BTN3A1: variants seen among roughly 807,000 people sequenced by gnomAD.
BTN3A1 encodes the protein dJ45P21.3 (butyrophilin, subfamily 3, member A1).
A neutral mutation model predicts 43.0 loss-of-function variants in BTN3A1; 24 were observed. The ratio of observed to expected loss-of-function variants is 0.56; its 90% CI spans 0.40 to 0.78. The LOEUF (loss-of-function observed/expected upper bound fraction) is 0.78, where lower values mean the gene tolerates loss of function less well. Among genes scored for constraint, BTN3A1 ranks in the 30% least tolerant of loss-of-function variants. The pLI is 0.00. For missense variants in BTN3A1, 533 were observed against 626.2 expected, an observed-to-expected ratio of 0.85 and a Z score of 1.59; for synonymous variants, 181 against 234.7, an observed-to-expected ratio of 0.77 and a Z score of 2.09.
intron 9 of BTN3A1, chr6:26,412,348 A>G: frequency 1.4e-6 from 1 of 696,656 alleles, no homozygotes. Context: ...TGCTGCTGGC[A>G]GGGAGGAAGC....
chr6:26,413,024 G>C (rs980310057), intron 9 of BTN3A1, 145 bp from the exon 10 acceptor site: 1 of 1,487,118 alleles, frequency 6.7e-7, no homozygotes, highest in Non-Finnish European at 8.9e-7. Flanking sequence ...TCCTGACATC[G>C]ATGAGAGAGT....
intron 8 of BTN3A1, 94 bp from the exon 9 acceptor site, chr6:26,411,461 G>A (rs1326342476): frequency 6.9e-7 from 1 of 1,456,364 alleles, no homozygotes; most frequent in East Asian, 2.3e-5. Context: ...AGACTCTGAA[G>A]AAAAGGAGAG....
intron 9 of BTN3A1, 148 bp downstream of exon 9, chr6:26,411,729 GAAA>G: frequency 9.8e-7 from 1 of 1,020,214 alleles, no homozygotes; most frequent in Non-Finnish European, 1.4e-6. Context: ...ATTCCAATCT[GAAA>G]AGTGGGCCCA....
chr6:26,411,152 C>T lies in BTN3A1; in HGVS notation c.991+17C>T. The T allele has an allele frequency of 6.2e-7, 1 of 1,607,040 alleles. No homozygotes were observed. The highest frequency in any genetic ancestry group is 8.5e-7 in the Non-Finnish European group (1 of 1,177,364). On this transcript the variant is annotated intron_variant, in intron 8 of 9. Coordinates refer to ENST00000289361, the MANE Select transcript of BTN3A1 (RefSeq NM_007048.6). ...CCTATAATGGTGAGTGAACCTGATGCTCTCTGAGTTTGCTGGGACACGTGC... is the reference window on the plus strand; with the variant it reads ...CCTATAATGGTGAGTGAACCTGATGTTCTCTGAGTTTGCTGGGACACGTGC...
intron 7 of BTN3A1, 110 bp from the exon 8 acceptor site, chr6:26,410,999 G>GAAAAAAAAAA (rs1561847979): frequency 3.5e-6 from 2 of 566,884 alleles, no homozygotes; most frequent in South Asian, 2.6e-5. Flanking sequence ...GATACAGGTG[G>GAAAAAAAAAA]TAAAAAAAAA....
At chr6:26,409,237 A>G (rs1471918782) in intron 4 of BTN3A1, among the ~76,000 whole-genome samples, 3 of 152,216 alleles carry the variant, frequency 2.0e-5, no homozygotes, top group South Asian at 2.1e-4. Flanking sequence ...AACCATGTAC[A>G]TGTGTTACCT....
Position 26,413,722 on chromosome 6 carries a change from C to A in BTN3A1, c.*30C>A. The A allele has an allele frequency of 6.2e-7, 1 of 1,609,712 alleles. No homozygotes were observed. The highest frequency in any genetic ancestry group is 8.5e-7 in the Non-Finnish European group (1 of 1,179,638). On this transcript the variant is annotated 3_prime_UTR_variant, in exon 10 of 10. Transcript: ENST00000289361. ...AAGAAGAGAGTTCCTCCAATTCTGA[C>A]CGAGTGCTGATCATTCCCTAGAGAC...
At chr6:26,408,472 C>A (rs1367585213) in intron 4 of BTN3A1, among the ~76,000 whole-genome samples, 1 of 152,180 alleles carries the variant, frequency 6.6e-6, no homozygotes, top group Admixed American at 6.5e-5. Flanking sequence ...GTTGATAACA[C>A]ATGGTTATGG....
Position 26,411,552 on chromosome 6 carries a change from C to T in BTN3A1, c.992-3C>T, listed in dbSNP as rs778410079. The stretch of plus-strand genomic sequence containing the variant: ...TTCCTTATCTGTGTCTCCTTCCTTT[C>T]AGAATGGAAAAAGGCCCTCTTCAAG... On this transcript the variant is annotated splice_region_variant and splice_polypyrimidine_tract_variant and intron_variant, in intron 8 of 9. Transcript: ENST00000289361. The T allele has an allele frequency of 9.9e-6, 16 of 1,613,418 alleles. No individual in the cohort carries two copies. The highest frequency in any genetic ancestry group is 1.6e-4 in the Middle Eastern group (1 of 6,076).
intron 7 of BTN3A1, 57 bp from the exon 8 acceptor site, chr6:26,411,052 G>C (rs1291370914): frequency 2.8e-6 from 4 of 1,448,884 alleles, no homozygotes; most frequent in Admixed American, 2.0e-5. Flanking sequence ...TTAAGGGAAT[G>C]GGGCCAAATC....
At chr6:26,408,829 T>A (rs1362429699) in intron 4 of BTN3A1, among the ~76,000 whole-genome samples, 2 of 152,202 alleles carry the variant, frequency 1.3e-5, no homozygotes, top group Non-Finnish European at 2.9e-5. Context: ...CCTCCAAGAT[T>A]AACTTTGCAC....
At chr6:26,408,494 G>C (rs1170511507) in intron 4 of BTN3A1, among the ~76,000 whole-genome samples, 1 of 152,196 alleles carries the variant, frequency 6.6e-6, no homozygotes, top group Non-Finnish European at 1.5e-5. Context: ...AGGAATGTAG[G>C]AAGGCTGTGA....
In BTN3A1 at chr6:26,412,452, A is replaced by G; in HGVS notation, c.1019-717A>G. On this transcript the variant is annotated intron_variant, in intron 9 of 9. Transcript: ENST00000289361. ...AAACCCAACAGCAAACCAGAGGACA[A>G]GGGAGCCCAGTGGCACTGTCTCAGG... is the stretch of plus-strand genomic sequence containing the variant. 5 of 1,450,604 alleles carry G rather than the reference A, an allele frequency of 3.4e-6. No homozygotes were observed. In the South Asian group the frequency reaches 6.1e-5, roughly 18 times the overall value. 89.9% of individuals were successfully genotyped at this position (1,450,604 alleles called of 1,614,324 possible).
chr6:26,409,546 G>A lies in BTN3A1; in HGVS notation c.729G>A (p.Arg243=). 2 of 1,613,708 alleles carry A rather than the reference G, an allele frequency of 1.2e-6. No individual in the cohort carries two copies. Among genetic ancestry groups the A allele is most frequent in the Non-Finnish European group, 8.5e-7 (1 of 1,179,982 alleles). Residue 243 remains arginine, a synonymous_variant, in exon 5 of 10, where the codon AGG becomes AGA. Coordinates refer to ENST00000289361, the MANE Select transcript of BTN3A1 (RefSeq NM_007048.6). The part of the protein sequence containing the change: ...ASISIADPFF[R]SAQRWIAALA... The stretch of plus-strand genomic sequence containing the variant: ...TTGCCTTCACAGACCCCTTCTTCAG[G>A]AGCGCCCAGAGGTGGATCGCCGCCC...
rs1762219653 is a variant in BTN3A1, at chr6:26,411,554, G to A, written c.992-1G>A. ...CCTTATCTGTGTCTCCTTCCTTTCA[G>A]AATGGAAAAAGGCCCTCTTCAAGCC... On this transcript the variant is annotated splice_acceptor_variant, in intron 8 of 9. Transcript: ENST00000289361. LOFTEE classifies it high-confidence loss of function. The A allele has an allele frequency of 6.2e-7, 1 of 1,613,554 alleles. No homozygotes were observed. Among genetic ancestry groups the A allele is most frequent in the Non-Finnish European group, 8.5e-7 (1 of 1,179,690 alleles).
chr6:26,411,000 T>TAAAAAAAAAAAAAAAAAAAAAA (rs1170183887), intron 7 of BTN3A1, 109 bp from the exon 8 acceptor site: 5 of 359,642 alleles, frequency 1.4e-5, no homozygotes, highest in Non-Finnish European at 2.2e-5. Context: ...ATACAGGTGG[T>TAAAAAAAAAAAAAAAAAAAAAA]AAAAAAAAAA....
In BTN3A1 at chr6:26,405,116, T is replaced by C. The variant is rs1031767924; in HGVS notation, c.-192-256T>C. Among the ~76,000 whole-genome samples the C allele has an allele frequency of 2.0e-5, 3 of 152,172 alleles. No homozygotes were observed. The South Asian group carries it at 6.2e-4, about 31-fold the overall frequency. ...ATCCTACCAGGAGTCCACTAGGCCATGAGTTGACCATGGTGATGGCCAAGA... is the reference window on the plus strand; with the variant it reads ...ATCCTACCAGGAGTCCACTAGGCCACGAGTTGACCATGGTGATGGCCAAGA... On this transcript the variant is annotated intron_variant, in intron 1 of 9. Coordinates refer to ENST00000289361, the MANE Select transcript of BTN3A1 (RefSeq NM_007048.6).
chr6:26,406,623 G>T (rs1354019967), intron 3 of BTN3A1, among the ~76,000 whole-genome samples: 1 of 152,196 alleles, frequency 6.6e-6, no homozygotes, highest in African/African-American at 2.4e-5. Context: ...GCTATTGTGG[G>T]CCCTAGAAGA....
rs1279043327 is a variant in BTN3A1, at chr6:26,415,069, C to A, written c.*1377C>A. The A allele has an allele frequency of 6.6e-6, 1 of 152,136 alleles. No individual in the cohort carries two copies. The highest frequency in any genetic ancestry group is 2.4e-5 in the African/African-American group (1 of 41,414). The allele number at this position is 152,136 out of a possible 1,614,324, so 9.4% of individuals were successfully genotyped here. A position where few individuals can be genotyped will look rare whatever the true frequency, so the allele number is the denominator to read the frequency against. ...CCCTGCTCATTGGTGGATGTTAAAC[C>A]AATATTCCTTTCAACTGCTGCCTGC... On this transcript the variant is annotated 3_prime_UTR_variant, in exon 10 of 10. Coordinates refer to ENST00000289361, the MANE Select transcript of BTN3A1 (RefSeq NM_007048.6).
Sources: gnomAD v4.1 joint callset for allele counts (sites outside exome capture counted in the v4.1 genomes callset) on GRCh38, gnomAD v4.1.1 for gene constraint, MANE v1.5 for transcripts, NCBI Gene and HGNC (gene_info 2026-07-23, HGNC 2026-07-21) for gene names.